Variants in TRIM41 observed in about 807,000 individuals in gnomAD.
TRIM41 encodes E3 ubiquitin-protein ligase TRIM41.
In TRIM41, 21 loss-of-function variants were observed where a neutral mutation model predicts 60.6. That is an observed-to-expected ratio of 0.35 (90% CI 0.25 to 0.50). The LOEUF (loss-of-function observed/expected upper bound fraction) is 0.50, where lower values mean the gene tolerates loss of function less well. TRIM41 is among the 20% of genes least tolerant of loss of function. The pLI, the probability that TRIM41 is intolerant of heterozygous loss-of-function variation, is 0.98. For synonymous variants in TRIM41, 407 were observed against 344.9 expected (o/e 1.18, Z -2.00); for missense variants, 846 against 868.3 (o/e 0.97, Z 0.32).
In TRIM41 at chr5:181,224,092, G is replaced by C; in HGVS notation, c.93G>C (p.Val31=). 6.2e-7 allele frequency: 1 copy of C among 1,614,282 alleles called. No homozygotes were observed. Among genetic ancestry groups the C allele is most frequent in the African/African-American group, 1.3e-5 (1 of 75,082 alleles). The change falls in exon 1 of 6, where the codon GTG becomes GTC. Residue 31 remains valine (V), a synonymous_variant. Transcript: ENST00000315073. Reference sequence around the variant, plus strand: ...GCCTCGATTACTTCACGGACCCCGTGTCCATCGGCTGCGGGCACAACTTCT... The same window carrying C: ...GCCTCGATTACTTCACGGACCCCGTCTCCATCGGCTGCGGGCACAACTTCT... ...AICLDYFTDP[V]SIGCGHNFCR... is the part of the protein sequence containing the mutation.
Position 181,230,967 on chromosome 5 carries a change from G to C in TRIM41, c.909+128G>C. ...ACAGCTAAGGCCTGGGAGAGGGGTA[G>C]ATGCTTTCCCTAGGTGCTGAGGAGA... is the stretch of plus-strand genomic sequence containing the variant. On this transcript the variant is annotated intron_variant, in intron 2 of 5. Transcript: ENST00000315073. The C allele has an allele frequency of 2.3e-5, 18 of 776,400 alleles. 1 individual carries two copies. In the South Asian group the frequency reaches 2.5e-4, roughly 11 times the overall value. 48.1% of individuals were successfully genotyped at this position (776,400 alleles called of 1,614,324 possible). A position where few individuals can be genotyped will look rare whatever the true frequency, so the allele number is the denominator to read the frequency against.
Position 181,230,698 on chromosome 5 carries a change from G to A in TRIM41, c.814-46G>A, listed in dbSNP as rs768847683. 9 of 1,525,736 alleles carry A rather than the reference G, an allele frequency of 5.9e-6. No individual in the cohort carries two copies. In the African/African-American group the frequency reaches 1.1e-4, roughly 19 times the overall value. The allele number at this position is 1,525,736 out of a possible 1,614,324, so 94.5% of individuals were successfully genotyped here. On this transcript the variant is annotated intron_variant, in intron 1 of 5. Coordinates refer to ENST00000315073, the MANE Select transcript of TRIM41 (RefSeq NM_033549.5). Reference sequence around the variant, plus strand: ...GGATTGCAGAGGTAGGCTCTGAAGGGCAGGTGCCTCTCCCAGCCCCCACTT... The same window carrying A: ...GGATTGCAGAGGTAGGCTCTGAAGGACAGGTGCCTCTCCCAGCCCCCACTT...
At position 181,223,800 on chromosome 5, in the gene TRIM41, G is replaced by GT. The variant is rs1341857233; in HGVS notation, c.-199dup. On this transcript the variant is annotated 5_prime_UTR_variant, in exon 1 of 6. Transcript: ENST00000315073. ...GCGCCCAGCACTGTCCCCTCCCCTC[G>GT]TAGAGACACGGTTGTCGTTTGGGAG... 1.1e-5 allele frequency: 7 copies of GT among 628,558 alleles called. No homozygotes were observed. Among genetic ancestry groups the GT allele is most frequent in the African/African-American group, 1.8e-5 (1 of 54,098 alleles). 38.9% of individuals were successfully genotyped at this position (628,558 alleles called of 1,614,324 possible).
rs540507382 is a variant in TRIM41, at chr5:181,232,949, A to C, written c.1140+60A>C. On this transcript the variant is annotated intron_variant, in intron 3 of 5. Transcript: ENST00000315073. ...CTGTGTTGGCTGTCAGGCAGTGCTT[A>C]CCAAACGCCTGTCCAGAGCTGCCTC... 5 of 1,488,818 alleles carry C rather than the reference A, an allele frequency of 3.4e-6. No homozygotes were observed. The East Asian group carries it at 1.2e-4, about 37-fold the overall frequency. 92.2% of individuals were successfully genotyped at this position (1,488,818 alleles called of 1,614,324 possible). A position where few individuals can be genotyped will look rare whatever the true frequency, so the allele number is the denominator to read the frequency against.
In TRIM41 at chr5:181,224,681, C is replaced by T; in HGVS notation, c.682C>T (p.Pro228Ser). ...CCGCGTGACCGATCAGGGCATCTGT[C>T]CCAAACACCAAGAAGCCCTGAAGCT... ...GSRVTDQGICPKHQEALKLFC... is the reference protein window; with the variant it reads ...GSRVTDQGICSKHQEALKLFC... The change falls in exon 1 of 6, where the codon CCC (proline) becomes TCC (serine). Residue 228 changes from proline to serine, a missense_variant. Coordinates refer to ENST00000315073, the MANE Select transcript of TRIM41 (RefSeq NM_033549.5). 1 of 1,614,214 alleles carries T rather than the reference C, an allele frequency of 6.2e-7. No homozygotes were observed. Among genetic ancestry groups the T allele is most frequent in the African/African-American group, 1.3e-5 (1 of 75,042 alleles).
Position 181,235,539 on chromosome 5 carries a change from T to C in TRIM41, c.*764T>C. Reference sequence around the variant, plus strand: ...CCACACCCCTCCCAGGTCTGCTCACTGCCAGGCTCCTCTCCCCTTTGTTCA... The same window carrying C: ...CCACACCCCTCCCAGGTCTGCTCACCGCCAGGCTCCTCTCCCCTTTGTTCA... On this transcript the variant is annotated 3_prime_UTR_variant, in exon 6 of 6. Coordinates refer to ENST00000315073, the MANE Select transcript of TRIM41 (RefSeq NM_033549.5). The C allele has an allele frequency of 9.2e-7, 1 of 1,085,794 alleles. No individual in the cohort carries two copies. Among genetic ancestry groups the C allele is most frequent in the Non-Finnish European group, 1.3e-6 (1 of 747,704 alleles). 67.3% of individuals were successfully genotyped at this position (1,085,794 alleles called of 1,614,324 possible). A position where few individuals can be genotyped will look rare whatever the true frequency, so the allele number is the denominator to read the frequency against.
chr5:181,225,898 T>G (rs1935191514), intron 1 of TRIM41: 1 of 152,234 alleles, frequency 6.6e-6, no homozygotes, highest in African/African-American at 2.4e-5. Flanking sequence ...GGGGGTAGCC[T>G]CTGTGTGGTC....
chr5:181,224,825 C>T lies in TRIM41; in HGVS notation c.813+13C>T, dbSNP rs766492450. 3.7e-6 allele frequency: 6 copies of T among 1,614,012 alleles called. No homozygotes were observed. The highest frequency in any genetic ancestry group is 1.3e-5 in the African/African-American group (1 of 75,020). ...GCAGGAGTACAAGGTGAGAGAAGTA[C>T]AGAGAGAAGATGGGAGTTTAGTGGG... On this transcript the variant is annotated intron_variant, in intron 1 of 5. Coordinates refer to ENST00000315073, the MANE Select transcript of TRIM41 (RefSeq NM_033549.5).
intron 1 of TRIM41, chr5:181,226,509 A>G (rs986163245): frequency 6.6e-6 from 1 of 152,216 alleles, no homozygotes; most frequent in African/African-American, 2.4e-5. Flanking sequence ...GAGTAGGAGA[A>G]TATCTTTAAA....
At chr5:181,229,288 G>A (rs1239286664) in intron 1 of TRIM41, 1 of 152,226 alleles carries the variant, frequency 6.6e-6, no homozygotes, top group Non-Finnish European at 1.5e-5. Context: ...CTATCCATGA[G>A]GTCCATTCTC....
rs1758466130 is a variant in TRIM41, at chr5:181,224,691, A to G, written c.692A>G (p.Gln231Arg). The change falls in exon 1 of 6, where the codon CAA (glutamine) becomes CGA (arginine). Residue 231 changes from glutamine (Q) to arginine (R), a missense_variant. By Grantham distance (43) the Gln-to-Arg change is conservative (BLOSUM62 1). Coordinates refer to ENST00000315073, the MANE Select transcript of TRIM41 (RefSeq NM_033549.5). ...VTDQGICPKHQEALKLFCEVD... is the reference protein window; with the variant it reads ...VTDQGICPKHREALKLFCEVD... ...GATCAGGGCATCTGTCCCAAACACC[A>G]AGAAGCCCTGAAGCTCTTCTGCGAG... 1 of 1,614,244 alleles carries G rather than the reference A, an allele frequency of 6.2e-7. No homozygotes were observed. The highest frequency in any genetic ancestry group is 1.3e-5 in the African/African-American group (1 of 75,064).
rs1758931009 is a variant in TRIM41, at chr5:181,234,029, T to TCTTA, written c.1292-145_1292-144insCTTA. 1.4e-6 allele frequency: 2 copies of TCTTA among 1,411,476 alleles called. No homozygotes were observed. The highest frequency in any genetic ancestry group is 3.5e-5 in the Admixed American group (2 of 56,994). The allele number at this position is 1,411,476 out of a possible 1,614,324, so 87.4% of individuals were successfully genotyped here. On this transcript the variant is annotated intron_variant, in intron 5 of 5. Coordinates refer to ENST00000315073, the MANE Select transcript of TRIM41 (RefSeq NM_033549.5). The surrounding 1 kb of genome is among the most constrained non-coding windows in gnomAD (Gnocchi z 5.6). ...CTAGGAACAAGAGTGAGGAGCAAGA[T>TCTTA]GAGCCTGCAGGAATCTGAGGCTGGC...
chr5:181,225,065 C>T lies in TRIM41; in HGVS notation c.813+253C>T, dbSNP rs1758489501. ...AGCAAATAGAGCAAAGCCGGTGATG[C>T]CAGATCAGGTCTCTAGGGCTTTACC... On this transcript the variant is annotated intron_variant, in intron 1 of 5. Coordinates refer to ENST00000315073, the MANE Select transcript of TRIM41 (RefSeq NM_033549.5). 7.1e-5 allele frequency: 40 copies of T among 567,260 alleles called. 2 individuals carry two copies. In the South Asian group the frequency reaches 7.6e-4, roughly 11 times the overall value. The allele number at this position is 567,260 out of a possible 1,614,324, so 35.1% of individuals were successfully genotyped here.
At chr5:181,230,959 G>A in intron 2 of TRIM41, 120 bp downstream of exon 2, 1 of 842,526 alleles carries the variant, frequency 1.2e-6, no homozygotes, top group Non-Finnish European at 2.0e-6. Context: ...AGGCCTGGGA[G>A]AGGGGTAGAT....
At position 181,233,531 on chromosome 5, in the gene TRIM41, G is replaced by C. The variant is rs1758901200; in HGVS notation, c.1163+96G>C. ...CCCTCTCCTCTCCTTCCTTCCCCAG[G>C]ACCTGAGTTTCCATCTCCTGGACCC... On this transcript the variant is annotated intron_variant, in intron 4 of 5. Coordinates refer to ENST00000315073, the MANE Select transcript of TRIM41 (RefSeq NM_033549.5). This position sits in a 1 kb window ranked among gnomAD's most constrained non-coding sequence, Gnocchi z 4.1. 5.0e-6 allele frequency: 8 copies of C among 1,611,410 alleles called. No individual in the cohort carries two copies. Among genetic ancestry groups the C allele is most frequent in the South Asian group, 1.1e-5 (1 of 90,962 alleles).
rs1758373418 is a variant in TRIM41, at chr5:181,223,424, C to G, written c.-576C>G. 1 of 399,930 alleles carries G rather than the reference C, an allele frequency of 2.5e-6. No homozygotes were observed. Among genetic ancestry groups the G allele is most frequent in the Non-Finnish European group, 4.4e-6 (1 of 227,006 alleles). The allele number at this position is 399,930 out of a possible 1,614,324, so 24.8% of individuals were successfully genotyped here. A position where few individuals can be genotyped will look rare whatever the true frequency, so the allele number is the denominator to read the frequency against. On this transcript the variant is annotated 5_prime_UTR_variant, in exon 1 of 6. Coordinates refer to ENST00000315073, the MANE Select transcript of TRIM41 (RefSeq NM_033549.5). The stretch of plus-strand genomic sequence containing the variant: ...ACCCCCCGAAGTTTCTCCCCAGCGG[C>G]GGGGGATGGGGGTAGGCGGTTCCTC...
At position 181,224,248 on chromosome 5, in the gene TRIM41, C is replaced by G. The variant is rs1364350201; in HGVS notation, c.249C>G (p.Asp83Glu). The G allele has an allele frequency of 6.2e-7, 1 of 1,613,542 alleles. No homozygotes were observed. Among genetic ancestry groups the G allele is most frequent in the Admixed American group, 1.7e-5 (1 of 59,964 alleles). Reference protein sequence around the residue: ...VEAVGAGAGWDTPMRDEDYEG... With the variant: ...VEAVGAGAGWETPMRDEDYEG... ...CTGTGGGGGCTGGCGCGGGGTGGGA[C>G]ACCCCCATGCGGGATGAAGACTACG... is the stretch of plus-strand genomic sequence containing the variant. Residue 83 changes from aspartate (D) to glutamate (E), a missense_variant, in exon 1 of 6, where the codon GAC (aspartate) becomes GAG (glutamate). Transcript: ENST00000315073.
rs1758403169 is a variant in TRIM41 at position 181,223,799 on chromosome 5, C to T, written c.-201C>T. 6.4e-6 allele frequency: 4 copies of T among 627,286 alleles called. No homozygotes were observed. Among genetic ancestry groups the T allele is most frequent in the Non-Finnish European group, 1.1e-5 (4 of 360,712 alleles). 38.9% of individuals were successfully genotyped at this position (627,286 alleles called of 1,614,324 possible). A position where few individuals can be genotyped will look rare whatever the true frequency, so the allele number is the denominator to read the frequency against. ...GGCGCCCAGCACTGTCCCCTCCCCT[C>T]GTAGAGACACGGTTGTCGTTTGGGA... is the stretch of plus-strand genomic sequence containing the variant. On this transcript the variant is annotated 5_prime_UTR_variant, in exon 1 of 6. Coordinates refer to ENST00000315073, the MANE Select transcript of TRIM41 (RefSeq NM_033549.5).
At position 181,235,762 on chromosome 5, in the gene TRIM41, G is replaced by A; in HGVS notation, c.*987G>A. 1 of 234,618 alleles carries A rather than the reference G, an allele frequency of 4.3e-6. No homozygotes were observed. The highest frequency in any genetic ancestry group is 8.3e-5 in the South Asian group (1 of 12,042). 14.5% of individuals were successfully genotyped at this position (234,618 alleles called of 1,614,324 possible). On this transcript the variant is annotated 3_prime_UTR_variant, in exon 6 of 6. Coordinates refer to ENST00000315073, the MANE Select transcript of TRIM41 (RefSeq NM_033549.5). The stretch of plus-strand genomic sequence containing the variant: ...GCTGAGGTGAACTCATGTTCTTTGG[G>A]AAAAGGGAAGGCGTGCTGTGGAAAT...
Sources: allele counts gnomAD v4.1 joint callset, GRCh38; gene constraint gnomAD v4.1.1; non-coding constraint Gnocchi (gnomAD v3.1); transcripts MANE v1.5; gene names NCBI Gene and HGNC (gene_info 2026-07-23, HGNC 2026-07-21).